The following PIAS2 variants were observed in gnomAD, a reference collection of about 807,000 sequenced individuals.
PIAS2 encodes the protein E3 SUMO-protein ligase PIAS2.
A neutral mutation model predicts 69.7 loss-of-function variants in PIAS2; 19 were observed. The observed-to-expected ratio is 0.27, with a 90% CI of 0.19 to 0.40. PIAS2 has a LOEUF of 0.40. Among genes scored for constraint, PIAS2 ranks in the 10% least tolerant of loss-of-function variants. The probability of loss-of-function intolerance (pLI) is 1.00; values close to 1 mark genes in which losing one functional copy is unlikely to be tolerated. For synonymous variants in PIAS2, 261 were observed against 263.2 expected (o/e 0.99, Z 0.08); for missense variants, 624 against 757.0 (o/e 0.82, Z 2.06).
At chr18:46,819,737 C>T (rs1400916545) in intron 12 of PIAS2, among the ~76,000 whole-genome samples, 1 of 152,038 alleles carries the variant, frequency 6.6e-6, no homozygotes, top group African/African-American at 2.4e-5. Context: ...AAAGGGCCTT[C>T]GGAGAGAAGG....
chr18:46,861,732 G>A (rs1244609961), intron 3 of PIAS2, among the ~76,000 whole-genome samples: 2 of 152,134 alleles, frequency 1.3e-5, no homozygotes, highest in African/African-American at 4.8e-5. Flanking sequence ...TCTTCAAAGT[G>A]TCACGCTGTG....
intron 5 of PIAS2, among the ~76,000 whole-genome samples, chr18:46,850,479 C>T (rs1320798765): frequency 6.6e-6 from 1 of 152,058 alleles, no homozygotes; most frequent in Admixed American, 6.5e-5. Flanking sequence ...ATTGCTTCCT[C>T]GAAGTATAAG....
At chr18:46,860,374 T>C (rs1370979166) in intron 3 of PIAS2, among the ~76,000 whole-genome samples, 1 of 152,202 alleles carries the variant, frequency 6.6e-6, no homozygotes, top group African/African-American at 2.4e-5. Context: ...AATAGATCAC[T>C]TTTTTTGGAA....
chr18:46,856,852 G>A (rs1019727106), intron 3 of PIAS2, among the ~76,000 whole-genome samples: 20 of 152,138 alleles, frequency 1.3e-4, no homozygotes, highest in African/African-American at 4.6e-4. Flanking sequence ...TCTACTCACC[G>A]TTCCCAATCC....
At chr18:46,897,935 G>T (rs936327399) in intron 1 of PIAS2, among the ~76,000 whole-genome samples, 1 of 151,358 alleles carries the variant, frequency 6.6e-6, no homozygotes, top group Non-Finnish European at 1.5e-5. Flanking sequence ...GTGGCAACAC[G>T]ATCTTGGCTC....
At chr18:46,829,912 C>A (rs1447156006) in intron 9 of PIAS2, 45 bp from the exon 10 acceptor site, 1 of 1,557,838 alleles carries the variant, frequency 6.4e-7, no homozygotes, top group Non-Finnish European at 8.7e-7. Context: ...AACAGCTTTG[C>A]CTAAAGGTGA....
chr18:46,888,570 G>C (rs1333981451), intron 2 of PIAS2, among the ~76,000 whole-genome samples: 3 of 150,612 alleles, frequency 2.0e-5, no homozygotes, highest in Admixed American at 1.3e-4. Context: ...TAAATCAACA[G>C]TCACAACCTT....
rs1265938915 is a variant in PIAS2, at chr18:46,806,581, C to T, written c.*5852G>A. The T allele has an allele frequency of 2.0e-5, 3 of 151,978 alleles. No individual in the cohort carries two copies. Among genetic ancestry groups the T allele is most frequent in the Non-Finnish European group, 2.9e-5 (2 of 68,020 alleles). 9.4% of individuals were successfully genotyped at this position (151,978 alleles called of 1,614,324 possible). On this transcript the variant is annotated 3_prime_UTR_variant, in exon 14 of 14. Coordinates refer to ENST00000585916, the MANE Select transcript of PIAS2 (RefSeq NM_004671.5). Reference sequence around the variant, plus strand: ...AAGTTGGCCAGGCTGGTCTCAAACTCCTGGCCTCAAGTGATTTGCCTGCCT... The same window carrying T: ...AAGTTGGCCAGGCTGGTCTCAAACTTCTGGCCTCAAGTGATTTGCCTGCCT...
intron 8 of PIAS2, among the ~76,000 whole-genome samples, chr18:46,842,532 A>G (rs2045574652): frequency 6.6e-6 from 1 of 152,220 alleles, no homozygotes; most frequent in South Asian, 2.1e-4. Flanking sequence ...CTGTATGTGG[A>G]ATAGAGCTGG....
In PIAS2 at chr18:46,829,849, G is replaced by A. The variant is rs1444170096; in HGVS notation, c.1221C>T (p.Leu407=). Residue 407 remains leucine (L), a synonymous_variant, in exon 10 of 14, where the codon CTC becomes CTT. Coordinates refer to ENST00000585916, the MANE Select transcript of PIAS2 (RefSeq NM_004671.5). ...LILDGLFMEI[L]NDCSDVDEIK... ...TCTCATCTACATCAGAACAGTCATT[G>A]AGAATTTCCATAAAAAGCCTAAAAA... The A allele has an allele frequency of 6.2e-7, 1 of 1,611,994 alleles. No individual in the cohort carries two copies. Among genetic ancestry groups the A allele is most frequent in the African/African-American group, 1.3e-5 (1 of 74,884 alleles).
At chr18:46,919,796 C>CT (rs1471707859), upstream of PIAS2, among the ~76,000 whole-genome samples, 3 of 152,206 alleles carry the variant, frequency 2.0e-5, no homozygotes, top group African/African-American at 7.2e-5. Flanking sequence ...GGTTCTAAAT[C>CT]TGTCTCTCCA....
intron 11 of PIAS2, among the ~76,000 whole-genome samples, chr18:46,824,463 T>C (rs891311280): frequency 1.3e-5 from 2 of 152,158 alleles, no homozygotes; most frequent in Admixed American, 6.5e-5. Context: ...TAAAATTATC[T>C]TTTAATATGG....
chr18:46,907,433 T>G (rs954906379), intron 1 of PIAS2: 1 of 152,142 alleles, frequency 6.6e-6, no homozygotes. Context: ...GGAACTCTAC[T>G]ATATCACTAG....
chr18:46,819,101 A>T (rs1027537022), intron 12 of PIAS2, among the ~76,000 whole-genome samples: 1 of 152,112 alleles, frequency 6.6e-6, no homozygotes, highest in Admixed American at 6.6e-5. Flanking sequence ...AAATGGTAGG[A>T]TCACTTTAAT....
At chr18:46,870,488 C>T (rs930200314) in intron 2 of PIAS2, among the ~76,000 whole-genome samples, 16 of 151,636 alleles carry the variant, frequency 1.1e-4, no homozygotes, top group Admixed American at 6.6e-4. Context: ...TGGTGACGGG[C>T]GCCTGTAGTC....
intron 5 of PIAS2, among the ~76,000 whole-genome samples, chr18:46,848,653 A>G (rs548700754): frequency 1.4e-4 from 21 of 152,326 alleles, no homozygotes; most frequent in African/African-American, 4.8e-4. Flanking sequence ...TGTGTAATCT[A>G]TAACTTGCAA....
intron 2 of PIAS2, among the ~76,000 whole-genome samples, chr18:46,877,940 G>A (rs1326104727): frequency 6.6e-6 from 1 of 152,126 alleles, no homozygotes; most frequent in Non-Finnish European, 1.5e-5. Context: ...AACAGTAAAT[G>A]AAATAATGCC....
intron 1 of PIAS2, among the ~76,000 whole-genome samples, chr18:46,897,223 G>A (rs770149104): frequency 3.9e-5 from 6 of 152,094 alleles, no homozygotes; most frequent in Non-Finnish European, 7.4e-5. Context: ...GTAAAAAAGC[G>A]GTTATGGCAT....
intron 2 of PIAS2, 81 bp from the exon 3 acceptor site, chr18:46,864,329 T>A: frequency 1.1e-6 from 1 of 885,408 alleles, no homozygotes; most frequent in Non-Finnish European, 1.7e-6. Flanking sequence ...CAGGCATTTT[T>A]TATAAAGTAC....
Sources: gnomAD v4.1 joint callset for allele counts (sites outside exome capture counted in the v4.1 genomes callset) on GRCh38, gnomAD v4.1.1 for gene constraint, MANE v1.5 for transcripts, NCBI Gene and HGNC (gene_info 2026-07-23, HGNC 2026-07-21) for gene names.